The following RSRC1 variants were observed in gnomAD, a reference collection of about 807,000 sequenced individuals.
RSRC1 encodes the protein serine/Arginine-related protein 53.
RSRC1 carries 39 observed loss-of-function variants against 49.1 expected under a neutral mutation model. The observed-to-expected ratio is 0.79, with a 90% CI of 0.61 to 1.04. RSRC1 has a LOEUF of 1.04. RSRC1 is among the 50% of genes least tolerant of loss of function. The pLI, the probability that RSRC1 is intolerant of heterozygous loss-of-function variation, is 0.00. For synonymous variants in RSRC1, 143 were observed against 130.8 expected (o/e 1.09, Z -0.63); for missense variants, 388 against 402.4 (o/e 0.96, Z 0.31).
chr3:158,501,014 T>C (rs1739568761), intron 7 of RSRC1, among the ~76,000 whole-genome samples: 2 of 152,172 alleles, frequency 1.3e-5, no homozygotes, highest in Admixed American at 6.5e-5. Flanking sequence ...AACTTTCCTC[T>C]TAGCACTGCC....
rs576981236 is a variant in RSRC1 at position 158,249,502 on chromosome 3, CT to C, written c.494+46261del. 3.1e-3 allele frequency among the ~76,000 whole-genome samples: 469 copies of C among 152,256 alleles called. 2 individuals are homozygous for C. Among genetic ancestry groups the C allele is most frequent in the Admixed American group, 4.8e-3 (74 of 15,292 alleles). Reference sequence around the variant, plus strand: ...TTATGGTTTCTATGAAACAATTTGACTTTTCATTCACCTAGTGAGGGATATT... The same window carrying C: ...TTATGGTTTCTATGAAACAATTTGACTTTCATTCACCTAGTGAGGGATATT... On this transcript the variant is annotated intron_variant, in intron 4 of 9. Coordinates refer to ENST00000611884, the MANE Select transcript of RSRC1 (RefSeq NM_001271838.2).
chr3:158,270,683 A>G (rs887148246), intron 4 of RSRC1, among the ~76,000 whole-genome samples: 1 of 152,170 alleles, frequency 6.6e-6, no homozygotes, highest in Non-Finnish European at 1.5e-5. Context: ...AGATTTAAGC[A>G]TGGCATTTAT....
chr3:158,356,264 C>T (rs1731151425), intron 6 of RSRC1, among the ~76,000 whole-genome samples: 1 of 151,924 alleles, frequency 6.6e-6, no homozygotes, highest in South Asian at 2.1e-4. Flanking sequence ...TAATTTCAGA[C>T]CACCAAATGA....
At chr3:158,125,767 T>C (rs764591408) in intron 3 of RSRC1, among the ~76,000 whole-genome samples, 1 of 152,278 alleles carries the variant, frequency 6.6e-6, no homozygotes, top group East Asian at 1.9e-4. Context: ...GGTCCTCTTA[T>C]GTCTTATTTT....
intron 1 of RSRC1, among the ~76,000 whole-genome samples, chr3:158,121,656 T>A (rs1335616220): frequency 6.6e-6 from 1 of 152,106 alleles, no homozygotes; most frequent in Non-Finnish European, 1.5e-5. Flanking sequence ...TATTTTGTCA[T>A]TAGGGAATGT....
intron 3 of RSRC1, among the ~76,000 whole-genome samples, chr3:158,162,085 G>T (rs1310889690): frequency 6.6e-6 from 1 of 152,142 alleles, no homozygotes; most frequent in South Asian, 2.1e-4. Context: ...GGGAGTGGGA[G>T]AAATGACTTT....
intron 3 of RSRC1, among the ~76,000 whole-genome samples, chr3:158,195,907 A>C (rs899614636): frequency 2.6e-5 from 4 of 151,818 alleles, no homozygotes; most frequent in Admixed American, 1.3e-4. Context: ...GTAGCCTTGT[A>C]GTATAGTTTG....
intron 5 of RSRC1, among the ~76,000 whole-genome samples, chr3:158,345,775 G>GTGTA (rs1553790094): frequency 2.8e-5 from 4 of 143,324 alleles, no homozygotes; most frequent in Non-Finnish European, 6.1e-5. Context: ...ATGTGTGTGT[G>GTGTA]TATATATATA....
intron 5 of RSRC1, among the ~76,000 whole-genome samples, chr3:158,316,736 G>GC (rs1266404412): frequency 6.6e-6 from 1 of 152,198 alleles, no homozygotes; most frequent in East Asian, 1.9e-4. Flanking sequence ...GAGCCAACGC[G>GC]CCCGGCAGAA....
intron 6 of RSRC1, among the ~76,000 whole-genome samples, chr3:158,424,458 A>T (rs972346443): frequency 1.3e-5 from 2 of 150,700 alleles, no homozygotes; most frequent in Admixed American, 1.3e-4. Context: ...AAGCTTTTTG[A>T]TGTGCTGCTG....
intron 7 of RSRC1, among the ~76,000 whole-genome samples, chr3:158,514,488 G>C (rs1044454291): frequency 5.3e-5 from 8 of 152,122 alleles, no homozygotes; most frequent in African/African-American, 1.9e-4. Context: ...GAGATAGTTT[G>C]TTATAATTTC....
At position 158,179,758 on chromosome 3, in the gene RSRC1, G is replaced by A. The variant is rs565289145; in HGVS notation, c.321-23314G>A. Among the ~76,000 whole-genome samples the A allele has an allele frequency of 7.9e-5, 12 of 152,182 alleles. No homozygotes were observed. In the East Asian group the frequency reaches 1.2e-3, roughly 15 times the overall value. ...ATTTCTCTGGAATAAATACCCAAGT[G>A]TACTCTTGCTAAGTCATAGTAGTTA... On this transcript the variant is annotated intron_variant, in intron 3 of 9. Transcript: ENST00000611884.
intron 3 of RSRC1, among the ~76,000 whole-genome samples, chr3:158,158,818 A>C (rs1036593865): frequency 1.6e-4 from 24 of 152,024 alleles, no homozygotes; most frequent in African/African-American, 5.8e-4. Context: ...CTGTGCCTGT[A>C]ATCTCAGCTA....
chr3:158,396,589 T>G (rs1733624204), intron 6 of RSRC1, among the ~76,000 whole-genome samples: 3 of 152,106 alleles, frequency 2.0e-5, no homozygotes, highest in Admixed American at 2.0e-4. Flanking sequence ...CACAATATTT[T>G]TAAGTCAGTG....
intron 5 of RSRC1, among the ~76,000 whole-genome samples, chr3:158,346,029 T>C (rs1447317727): frequency 1.3e-5 from 2 of 152,054 alleles, no homozygotes; most frequent in Admixed American, 1.3e-4. Context: ...TAATTGAAAG[T>C]CTTCATAGAA....
chr3:158,428,023 CT>C (rs1735559186), intron 6 of RSRC1, among the ~76,000 whole-genome samples: 1 of 151,714 alleles, frequency 6.6e-6, no homozygotes, highest in African/African-American at 2.4e-5. Context: ...ATATTTCTGT[CT>C]ATGAAACCAC....
chr3:158,468,518 G>A (rs1578517016), intron 7 of RSRC1, among the ~76,000 whole-genome samples: 1 of 152,238 alleles, frequency 6.6e-6, no homozygotes, highest in South Asian at 2.1e-4. Context: ...GTAATTATCT[G>A]CAGCCAAATT....
At chr3:158,472,735 G>A (rs1738193069) in intron 7 of RSRC1, among the ~76,000 whole-genome samples, 1 of 152,066 alleles carries the variant, frequency 6.6e-6, no homozygotes, top group Non-Finnish European at 1.5e-5. Context: ...GTAGATTCTG[G>A]GTATTAGTCC....
intron 6 of RSRC1, among the ~76,000 whole-genome samples, chr3:158,416,327 A>T (rs1390626322): frequency 6.6e-6 from 1 of 151,980 alleles, no homozygotes; most frequent in East Asian, 1.9e-4. Flanking sequence ...CTTCCTTTGA[A>T]TCTGGCTTTG....
Sources: allele counts gnomAD v4.1 joint callset (sites outside exome capture counted in the v4.1 genomes callset), GRCh38; gene constraint gnomAD v4.1.1; transcripts MANE v1.5; gene names NCBI Gene and HGNC (gene_info 2026-07-23, HGNC 2026-07-21).